MACROD2: variants seen among roughly 807,000 people sequenced by gnomAD.
MACROD2 encodes ADP-ribose glycohydrolase MACROD2.
A neutral mutation model predicts 70.4 loss-of-function variants in MACROD2; 36 were observed. That is an observed-to-expected ratio of 0.51 (90% confidence interval 0.39 to 0.68). MACROD2 has a LOEUF of 0.68. Ranked by LOEUF, MACROD2 falls within the 30% of genes least tolerant of loss-of-function variation. MACROD2 has a pLI of 0.00. For synonymous variants in MACROD2, 172 were observed against 178.8 expected, an observed-to-expected ratio of 0.96 and a Z score of 0.30; for missense variants, 496 against 538.4, an observed-to-expected ratio of 0.92 and a Z score of 0.78.
intron 8 of MACROD2, among the ~76,000 whole-genome samples, chr20:15,636,089 A>AAAAAAAAAAAG (rs1459679844): frequency 4.4e-5 from 6 of 135,020 alleles, no homozygotes; most frequent in African/African-American, 8.1e-5. Flanking sequence ...AAAAAAAAAA[A>AAAAAAAAAAAG]AAAGAAAGAA....
Position 14,180,155 on chromosome 20 carries a change from T to A in MACROD2, c.271+94427T>A, listed in dbSNP as rs551695510. On this transcript the variant is annotated intron_variant, in intron 3 of 17. Coordinates refer to ENST00000684519, the MANE Select transcript of MACROD2 (RefSeq NM_001351661.2). ...GATCAAATTAGAAATTGAAAATTTC[T>A]GTTCTCTAGACTGTTATTGGGTATT... Among the ~76,000 whole-genome samples the A allele has an allele frequency of 9.5e-4, 144 of 152,212 alleles. 1 individual carries two copies. The highest frequency in any genetic ancestry group is 3.5e-3 in the Admixed American group (54 of 15,282).
chr20:15,652,739 CAT>C (rs928433836), intron 8 of MACROD2, among the ~76,000 whole-genome samples: 5 of 150,854 alleles, frequency 3.3e-5, no homozygotes, highest in Admixed American at 6.6e-5. Context: ...TTTTTTTTTA[CAT>C]AGTTGCCTTG....
At chr20:14,003,336 C>A (rs2052762953) in intron 2 of MACROD2, among the ~76,000 whole-genome samples, 1 of 152,108 alleles carries the variant, frequency 6.6e-6, no homozygotes, top group African/African-American at 2.4e-5. Context: ...CTTTGTTTTT[C>A]TAGAAAGGCA....
intron 5 of MACROD2, chr20:14,934,969 G>GGACT (rs1284589419): frequency 6.6e-6 from 1 of 152,002 alleles, no homozygotes; most frequent in Non-Finnish European, 1.5e-5. Context: ...TCTCCTGAGG[G>GGACT]GACTCTTCCT....
intron 6 of MACROD2, among the ~76,000 whole-genome samples, chr20:15,333,961 A>T (rs898117916): frequency 2.0e-5 from 3 of 151,658 alleles, no homozygotes; most frequent in Non-Finnish European, 2.9e-5. Context: ...CAAGTAGAGC[A>T]ATGTTAAAAG....
At chr20:14,670,853 T>A (rs1406614923) in intron 4 of MACROD2, among the ~76,000 whole-genome samples, 1 of 152,114 alleles carries the variant, frequency 6.6e-6, no homozygotes, top group Non-Finnish European at 1.5e-5. Flanking sequence ...CCATGTTGAC[T>A]AGATGGCTGC....
chr20:14,762,744 A>T, intron 5 of MACROD2, among the ~76,000 whole-genome samples: 1 of 152,054 alleles, frequency 6.6e-6, no homozygotes, highest in East Asian at 1.9e-4. Flanking sequence ...AGCCTGTGCA[A>T]CATGACGAAA....
intron 8 of MACROD2, among the ~76,000 whole-genome samples, chr20:15,662,749 T>A (rs1312571463): frequency 2.0e-5 from 3 of 151,978 alleles, no homozygotes; most frequent in Non-Finnish European, 2.9e-5. Context: ...GGTTGTTTTT[T>A]CAAGCTTTTA....
intron 3 of MACROD2, among the ~76,000 whole-genome samples, chr20:14,301,283 A>G (rs957150530): frequency 2.6e-5 from 4 of 152,218 alleles, no homozygotes; most frequent in Non-Finnish European, 5.9e-5. Flanking sequence ...AAAAAAATGA[A>G]AGGTGCCATG....
At chr20:14,846,412 A>T (rs1470450897) in intron 5 of MACROD2, among the ~76,000 whole-genome samples, 1 of 151,332 alleles carries the variant, frequency 6.6e-6, no homozygotes, top group Admixed American at 6.6e-5. Flanking sequence ...TTTAGTAAAG[A>T]TGGGGTTTCA....
At chr20:15,485,977 T>C (rs1313211403) in intron 7 of MACROD2, among the ~76,000 whole-genome samples, 1 of 152,192 alleles carries the variant, frequency 6.6e-6, no homozygotes, top group Non-Finnish European at 1.5e-5. Flanking sequence ...AAGAAACGTA[T>C]CCATATTACT....
intron 5 of MACROD2, among the ~76,000 whole-genome samples, chr20:14,854,805 A>G (rs896968159): frequency 6.6e-6 from 1 of 152,144 alleles, no homozygotes; most frequent in Non-Finnish European, 1.5e-5. Flanking sequence ...TCACAAGGCC[A>G]GGAGATCGAG....
At chr20:15,206,769 G>A (rs1464370556) in intron 5 of MACROD2, among the ~76,000 whole-genome samples, 37 of 75,696 alleles carry the variant, frequency 4.9e-4, no homozygotes, top group Admixed American at 2.1e-3. Flanking sequence ...TCGCTCTGTC[G>A]CCCAGGCCGG....
At position 14,171,793 on chromosome 20, in the gene MACROD2, A is replaced by G. The variant is rs575749645; in HGVS notation, c.271+86065A>G. Among the ~76,000 whole-genome samples, 453 of 152,300 alleles carry G rather than the reference A, an allele frequency of 3.0e-3. 2 individuals are homozygous for G. The highest frequency in any genetic ancestry group is 0.01 in the African/African-American group (427 of 41,566). Reference sequence around the variant, plus strand: ...TGGAGAATGTTCCATGTGCTGATGAATAGAATGTATATTCTGCAGTTGTTG... The same window carrying G: ...TGGAGAATGTTCCATGTGCTGATGAGTAGAATGTATATTCTGCAGTTGTTG... On this transcript the variant is annotated intron_variant, in intron 3 of 17. Transcript: ENST00000684519.
chr20:15,028,291 T>A (rs1205335331), intron 5 of MACROD2, among the ~76,000 whole-genome samples: 1 of 152,122 alleles, frequency 6.6e-6, no homozygotes, highest in Non-Finnish European at 1.5e-5. Context: ...ATCCAAGGTA[T>A]CACTGTAGGA....
In MACROD2 at chr20:15,772,934, G is replaced by A. The variant is rs548988327; in HGVS notation, c.646-89811G>A. On this transcript the variant is annotated intron_variant, in intron 8 of 17. Transcript: ENST00000684519. ...AGATCTTGTGAGAACTCACTATGAC[G>A]AGGAGAGCACATCACCTCCCTCTTA... Among the ~76,000 whole-genome samples the A allele has an allele frequency of 6.5e-4, 99 of 152,172 alleles. 1 individual carries two copies. The Middle Eastern group carries it at 0.01, about 16-fold the overall frequency.
At chr20:15,623,085 G>A (rs2049151108) in intron 8 of MACROD2, among the ~76,000 whole-genome samples, 1 of 152,302 alleles carries the variant, frequency 6.6e-6, no homozygotes, top group South Asian at 2.1e-4. Flanking sequence ...TTAGGACTAT[G>A]AGTAAACCAA....
At chr20:14,450,828 A>G (rs951237046) in intron 3 of MACROD2, among the ~76,000 whole-genome samples, 1 of 152,098 alleles carries the variant, frequency 6.6e-6, no homozygotes, top group African/African-American at 2.4e-5. Flanking sequence ...CGAATTCCGA[A>G]TGAAATAGGA....
chr20:14,890,137 G>A (rs2073734897), intron 5 of MACROD2, among the ~76,000 whole-genome samples: 1 of 152,090 alleles, frequency 6.6e-6, no homozygotes, highest in African/African-American at 2.4e-5. Context: ...GTTTTGTTGG[G>A]GAGAATGAAG....
Sources: gnomAD v4.1 joint callset for allele counts (sites outside exome capture counted in the v4.1 genomes callset) on GRCh38, gnomAD v4.1.1 for gene constraint, MANE v1.5 for transcripts, NCBI Gene and HGNC (gene_info 2026-07-23, HGNC 2026-07-21) for gene names.